The following ERG variants were observed in gnomAD, a reference collection of about 807,000 sequenced individuals.
ERG encodes the protein ETS transcription factor ERG, also known as transcriptional regulator ERG.
A neutral mutation model predicts 55.3 loss-of-function variants in ERG; 9 were observed. That is an observed-to-expected ratio of 0.16 (90% CI 0.10 to 0.28). ERG has a LOEUF of 0.28. Ranked by LOEUF, ERG falls within the 10% of genes least tolerant of loss-of-function variation. The pLI is 1.00. For synonymous variants in ERG, 223 were observed against 237.3 expected (o/e 0.94, Z 0.55); for missense variants, 434 against 631.6 (o/e 0.69, Z 3.35).
intron 2 of ERG, chr21:38,575,647 C>A: frequency 6.2e-7 from 1 of 1,609,796 alleles, no homozygotes; most frequent in South Asian, 1.1e-5. Context: ...GCTTCCCAGC[C>A]AAGACGGGAC....
chr21:38,537,941 C>T (rs2059723867), intron 2 of ERG, among the ~76,000 whole-genome samples: 1 of 152,132 alleles, frequency 6.6e-6, no homozygotes, highest in African/African-American at 2.4e-5. Flanking sequence ...ATGTGATATA[C>T]ACATATCATG....
intron 1 of ERG, among the ~76,000 whole-genome samples, chr21:38,639,656 G>A (rs1232669001): frequency 6.6e-6 from 1 of 152,178 alleles, no homozygotes; most frequent in African/African-American, 2.4e-5. Context: ...TGAGATGAAA[G>A]AGAAAAACCT....
intron 2 of ERG, among the ~76,000 whole-genome samples, chr21:38,566,200 GA>G (rs764968160): frequency 6.6e-6 from 1 of 152,196 alleles, no homozygotes; most frequent in East Asian, 1.9e-4. Flanking sequence ...GACACAGAAG[GA>G]AAAGAAGGTG....
chr21:38,559,282 C>T (rs1438677175), intron 2 of ERG, among the ~76,000 whole-genome samples: 3 of 151,904 alleles, frequency 2.0e-5, no homozygotes, highest in African/African-American at 4.8e-5. Context: ...GCCTGGAACA[C>T]ACCTGCCTGC....
At chr21:38,418,511 C>G (rs557738026) in intron 3 of ERG, among the ~76,000 whole-genome samples, 1 of 152,216 alleles carries the variant, frequency 6.6e-6, no homozygotes, top group South Asian at 2.1e-4. Flanking sequence ...GTCTTGAACT[C>G]CTTGGCCTCC....
chr21:38,455,124 T>G (rs888089484), intron 1 of ERG, among the ~76,000 whole-genome samples: 1 of 132,286 alleles, frequency 7.6e-6, no homozygotes, highest in Non-Finnish European at 1.7e-5. Flanking sequence ...CTTTCTTTTT[T>G]TTTTTTTTTA....
In ERG at chr21:38,505,735, C is replaced by T. The variant is rs150260443; in HGVS notation, c.-41+69927G>A. On this transcript the variant is annotated intron_variant, in intron 2 of 8. Transcript: ENST00000398897. ...CTTTATTTACAGCTACAAAAATAAT[C>T]CTGCCTCAAGGATTTTAGGAAGCAA... Among the ~76,000 whole-genome samples the T allele has an allele frequency of 2.5e-3, 378 of 152,276 alleles. 1 individual carries two copies. Among genetic ancestry groups the T allele is most frequent in the African/African-American group, 8.7e-3 (363 of 41,554 alleles).
chr21:38,575,773 A>C, intron 1 of ERG: 1 of 1,541,648 alleles, frequency 6.5e-7, no homozygotes, highest in African/African-American at 1.4e-5. Context: ...AACAACATAC[A>C]TAATAATAAA....
intron 3 of ERG, among the ~76,000 whole-genome samples, chr21:38,414,101 G>A (rs1989177758): frequency 6.6e-6 from 1 of 152,162 alleles, no homozygotes; most frequent in African/African-American, 2.4e-5. Flanking sequence ...CGAGACTGTG[G>A]ATAAAATCTG....
At chr21:38,474,731 ATT>A (rs5843909) in intron 1 of ERG, among the ~76,000 whole-genome samples, 3,650 of 146,492 alleles carry the variant, frequency 0.025, 109 homozygotes, top group African/African-American at 0.078. Flanking sequence ...ACTTGGCTCC[ATT>A]TTTTTTTTTT....
At chr21:38,473,092 A>AGTTTTCATT (rs1358003679) in intron 1 of ERG, among the ~76,000 whole-genome samples, 1 of 150,840 alleles carries the variant, frequency 6.6e-6, no homozygotes, top group Non-Finnish European at 1.5e-5. Flanking sequence ...AGGTGTAGCA[A>AGTTTTCATT]GTTTTCATTT....
chr21:38,458,331 G>T (rs2059009032), intron 1 of ERG, among the ~76,000 whole-genome samples: 1 of 151,874 alleles, frequency 6.6e-6, no homozygotes, highest in East Asian at 1.9e-4. Flanking sequence ...GGCCGAGGCT[G>T]GAGAATAGCT....
At chr21:38,627,124 G>A (rs2060329677) in intron 1 of ERG, among the ~76,000 whole-genome samples, 1 of 150,636 alleles carries the variant, frequency 6.6e-6, no homozygotes. Context: ...GCAAAAAAGA[G>A]TATTATTAAA....
intron 1 of ERG, among the ~76,000 whole-genome samples, chr21:38,656,727 C>T (rs1188069971): frequency 1.3e-5 from 2 of 152,210 alleles, no homozygotes; most frequent in African/African-American, 2.4e-5. Context: ...CTTTGCTCCC[C>T]TACTCTCAAA....
At chr21:38,455,303 G>A (rs16996348) in intron 1 of ERG, among the ~76,000 whole-genome samples, 6,963 of 152,158 alleles carry the variant, frequency 0.046, 546 homozygotes, top group African/African-American at 0.16. Context: ...CTGGCTAAGA[G>A]GTTCACACCA....
At chr21:38,478,498 G>C (rs2059209196) in intron 1 of ERG, among the ~76,000 whole-genome samples, 1 of 152,116 alleles carries the variant, frequency 6.6e-6, no homozygotes, top group Non-Finnish European at 1.5e-5. Flanking sequence ...TGGGCTATGG[G>C]CACGTGAGCT....
chr21:38,650,939 C>T (rs997312536), intron 1 of ERG, among the ~76,000 whole-genome samples: 2 of 152,144 alleles, frequency 1.3e-5, no homozygotes, highest in South Asian at 2.1e-4. Flanking sequence ...TTAAGAATGC[C>T]GTTCTTCAAA....
intron 7 of ERG, 39 bp downstream of exon 7, chr21:38,392,337 G>C (rs1356590546): frequency 6.6e-7 from 1 of 1,508,130 alleles, no homozygotes; most frequent in Admixed American, 1.9e-5. Flanking sequence ...TCCACTGCCT[G>C]TGACATGAAA....
At chr21:38,522,847 A>T (rs1438729240) in intron 2 of ERG, among the ~76,000 whole-genome samples, 2 of 152,252 alleles carry the variant, frequency 1.3e-5, no homozygotes, top group African/African-American at 4.8e-5. Context: ...AATTTTCAGT[A>T]GAAAGCTGAA....
Sources: allele counts gnomAD v4.1 joint callset (sites outside exome capture counted in the v4.1 genomes callset), GRCh38; gene constraint gnomAD v4.1.1; transcripts MANE v1.5; gene names NCBI Gene and HGNC (gene_info 2026-07-23, HGNC 2026-07-21).